The following RCBTB1 variants were observed in gnomAD, a reference collection of about 807,000 sequenced individuals.
RCBTB1 encodes the protein RCC1 and BTB domain containing protein 1.
Under a neutral mutation model 62.4 loss-of-function variants are expected in RCBTB1, and 46 were observed. That is an observed-to-expected ratio of 0.74 (90% CI 0.58 to 0.94). The LOEUF (loss-of-function observed/expected upper bound fraction) is 0.94, where lower values mean the gene tolerates loss of function less well. Among genes scored for constraint, RCBTB1 ranks in the 40% least tolerant of loss-of-function variants. RCBTB1 has a pLI of 0.00. For synonymous variants in RCBTB1, 222 were observed against 245.8 expected (o/e 0.90, Z 0.91); for missense variants, 565 against 654.9 (o/e 0.86, Z 1.50).
In RCBTB1 at chr13:49,554,832, A is replaced by T. The variant is rs570394238; in HGVS notation, c.603+683T>A. ...TCCATGAAACCAGTCCCTGGTGCCA[A>T]AAAGGTTGGGGACCACTGCCCAAGC... On this transcript the variant is annotated intron_variant, in intron 6 of 12. Coordinates refer to ENST00000378302, the MANE Select transcript of RCBTB1 (RefSeq NM_018191.4). 2.0e-5 allele frequency among the ~76,000 whole-genome samples: 3 copies of T among 152,348 alleles called. No homozygotes were observed. The South Asian group carries it at 6.2e-4, about 32-fold the overall frequency.
chr13:49,550,431 T>A, intron 8 of RCBTB1: 1 of 984,568 alleles, frequency 1.0e-6, no homozygotes, highest in Non-Finnish European at 1.2e-6. Context: ...AGTAGTATGC[T>A]TCTTGGGTAA....
At chr13:49,548,556 A>G (rs1233524482) in intron 9 of RCBTB1, among the ~76,000 whole-genome samples, 3 of 150,382 alleles carry the variant, frequency 2.0e-5, no homozygotes, top group African/African-American at 7.4e-5. Flanking sequence ...AACAACCCAC[A>G]TGTCCATCAA....
chr13:49,566,023 G>A (rs1410034839), intron 4 of RCBTB1, among the ~76,000 whole-genome samples: 350 of 147,910 alleles, frequency 2.4e-3, no homozygotes, highest in African/African-American at 8.1e-3. Context: ...GATTAAGGGC[G>A]GTGCAAGATG....
chr13:49,547,306 G>A (rs908309600), intron 9 of RCBTB1: 1 of 573,046 alleles, frequency 1.7e-6, no homozygotes, highest in African/African-American at 2.0e-5. Flanking sequence ...CCCATGACTG[G>A]TCACCTAATT....
intron 4 of RCBTB1, among the ~76,000 whole-genome samples, chr13:49,562,355 G>A (rs1220351481): frequency 6.6e-6 from 1 of 151,702 alleles, no homozygotes; most frequent in South Asian, 2.1e-4. Context: ...GGCCAGGCAT[G>A]GTGGCTCACA....
intron 2 of RCBTB1, among the ~76,000 whole-genome samples, chr13:49,575,308 T>C (rs1963700548): frequency 1.3e-5 from 2 of 152,158 alleles, no homozygotes; most frequent in South Asian, 4.1e-4. Context: ...TTAGTGGGAA[T>C]GTAAATTAGT....
At chr13:49,556,351 C>T (rs1393213520) in intron 5 of RCBTB1, among the ~76,000 whole-genome samples, 5 of 152,078 alleles carry the variant, frequency 3.3e-5, no homozygotes, top group Admixed American at 6.5e-5. Flanking sequence ...CCACCATGCC[C>T]GGCTAATTTT....
chr13:49,551,761 G>A (rs1170065339), intron 7 of RCBTB1, among the ~76,000 whole-genome samples: 1 of 152,152 alleles, frequency 6.6e-6, no homozygotes, highest in African/African-American at 2.4e-5. Context: ...TTAGCCAGGT[G>A]TGGTGGCGGC....
intron 4 of RCBTB1, among the ~76,000 whole-genome samples, chr13:49,562,776 CTTTTTTTTTTTTTTT>C (rs58896397): frequency 6.5e-5 from 4 of 61,344 alleles, no homozygotes; most frequent in East Asian, 1.1e-3. Flanking sequence ...CCATCCCCGG[CTTTTTTTTTTTTTTT>C]TTTTTTTTTT....
At chr13:49,541,987 G>A (rs943884040) in intron 10 of RCBTB1, among the ~76,000 whole-genome samples, 160 bp from the exon 11 acceptor site, 2 of 152,232 alleles carry the variant, frequency 1.3e-5, no homozygotes, top group East Asian at 3.9e-4. Context: ...AGGCCAAGCG[G>A]GTAGATCACC....
chr13:49,549,447 C>G lies in RCBTB1; in HGVS notation c.1045+11G>C, dbSNP rs543831299. On this transcript the variant is annotated intron_variant, in intron 9 of 12. Transcript: ENST00000378302. ...TTCTTCCTGGGTGGAGGTGGCCCTG[C>G]ACTTTCTTACCCACAGACAGGAGGC... is the stretch of plus-strand genomic sequence containing the variant. 54 of 1,598,872 alleles carry G rather than the reference C, an allele frequency of 3.4e-5. No individual in the cohort carries two copies. The highest frequency in any genetic ancestry group is 4.6e-5 in the Non-Finnish European group (54 of 1,169,844).
chr13:49,551,538 G>C, intron 7 of RCBTB1, 70 bp from the exon 8 acceptor site: 11 of 1,535,802 alleles, frequency 7.2e-6, no homozygotes, highest in Non-Finnish European at 9.8e-6. Flanking sequence ...CTACTTAAAG[G>C]CTATAGCCAG....
In RCBTB1 at chr13:49,566,645, CACT is replaced by C; in HGVS notation, c.247_249del (p.Ser83del). Reference sequence around the variant, plus strand: ...TCGGTGCTGAGAAGAACATGTGGTCCACTCCCGTAACTGAGGCTTTTAATCTTC... The same window carrying C: ...TCGGTGCTGAGAAGAACATGTGGTCCCCCGTAACTGAGGCTTTTAATCTTC... On this transcript the variant is annotated inframe_deletion, in exon 4 of 13. Transcript: ENST00000378302. 6.2e-7 allele frequency: 1 copy of C among 1,613,930 alleles called. No individual in the cohort carries two copies. Among genetic ancestry groups the C allele is most frequent in the Non-Finnish European group, 8.5e-7 (1 of 1,179,938 alleles).
At chr13:49,562,482 T>A in intron 4 of RCBTB1, among the ~76,000 whole-genome samples, 1 of 135,606 alleles carries the variant, frequency 7.4e-6, no homozygotes. Context: ...ATTGCACCAC[T>A]GCACTCTAGC....
chr13:49,552,941 T>C (rs1428497333), intron 6 of RCBTB1, among the ~76,000 whole-genome samples: 1 of 152,078 alleles, frequency 6.6e-6, no homozygotes, highest in Non-Finnish European at 1.5e-5. Flanking sequence ...CCCAGCACTT[T>C]GGAAGGCCAG....
At chr13:49,535,552 G>T (rs918280607) in intron 12 of RCBTB1, among the ~76,000 whole-genome samples, 1 of 137,018 alleles carries the variant, frequency 7.3e-6, no homozygotes, top group Admixed American at 7.2e-5. Flanking sequence ...CAGCTACCAC[G>T]AGGTGGGAAT....
intron 4 of RCBTB1, among the ~76,000 whole-genome samples, chr13:49,566,271 A>AAAT (rs1027686791): frequency 4.2e-5 from 4 of 94,836 alleles, no homozygotes; most frequent in African/African-American, 2.3e-4. Flanking sequence ...AAAATAAAAT[A>AAAT]AAATAAATAA....
At chr13:49,575,740 G>C (rs764897315) in intron 2 of RCBTB1, among the ~76,000 whole-genome samples, 2 of 152,104 alleles carry the variant, frequency 1.3e-5, no homozygotes, top group African/African-American at 2.4e-5. Context: ...GACTACTACA[G>C]GGGCAGGGAG....
intron 5 of RCBTB1, among the ~76,000 whole-genome samples, chr13:49,557,690 C>A (rs1361679037): frequency 6.6e-6 from 1 of 152,024 alleles, no homozygotes. Flanking sequence ...GAGGCTGAGA[C>A]AGGAGGATCG....
Sources: allele counts gnomAD v4.1 joint callset (sites outside exome capture counted in the v4.1 genomes callset), GRCh38; gene constraint gnomAD v4.1.1; transcripts MANE v1.5; gene names NCBI Gene and HGNC (gene_info 2026-07-23, HGNC 2026-07-21).